GRM8: variants seen among roughly 807,000 people sequenced by gnomAD.
The protein encoded by GRM8 is metabotropic glutamate receptor 8.
Under a neutral mutation model 87.2 loss-of-function variants are expected in GRM8, and 47 were observed. The ratio of observed to expected loss-of-function variants is 0.54; its 90% CI spans 0.43 to 0.69. The LOEUF is 0.69. GRM8 is among the 30% of genes least tolerant of loss of function. The probability of loss-of-function intolerance (pLI) is 0.00; values close to 1 mark genes in which losing one functional copy is unlikely to be tolerated. For synonymous variants in GRM8, 396 were observed against 404.5 expected, an observed-to-expected ratio of 0.98 and a Z score of 0.25; for missense variants, 1,019 against 1,139.2, an observed-to-expected ratio of 0.89 and a Z score of 1.52.
At chr7:126,944,847 T>C (rs565016300) in intron 3 of GRM8, among the ~76,000 whole-genome samples, 48 of 152,286 alleles carry the variant, frequency 3.2e-4, no homozygotes, top group African/African-American at 1.1e-3. Flanking sequence ...ACTAGCAAAA[T>C]GATTCTAAAA....
At chr7:127,106,983 GTGCTTTTTGTTGATGT>G (rs1261496633) in intron 2 of GRM8, among the ~76,000 whole-genome samples, 24 of 152,284 alleles carry the variant, frequency 1.6e-4, no homozygotes, top group African/African-American at 4.6e-4. Context: ...CAAAACATTT[GTGCTTTTTGTTGATGT>G]TGCTTTTTGT....
At chr7:126,803,477 T>C (rs1441370547) in intron 6 of GRM8, among the ~76,000 whole-genome samples, 1 of 152,200 alleles carries the variant, frequency 6.6e-6, no homozygotes, top group African/African-American at 2.4e-5. Flanking sequence ...TCTTTTCAAA[T>C]ATAAATCAAA....
chr7:127,233,315 C>T (rs905749267), intron 2 of GRM8, among the ~76,000 whole-genome samples: 14 of 151,956 alleles, frequency 9.2e-5, no homozygotes, highest in East Asian at 3.9e-4. Context: ...TAGATAAATA[C>T]GTTAAAATAA....
rs541971923 is a variant in GRM8 at position 126,975,219 on chromosome 7, G to C, written c.728-70536C>G. On this transcript the variant is annotated intron_variant, in intron 3 of 10. Coordinates refer to ENST00000339582, the MANE Select transcript of GRM8 (RefSeq NM_000845.3). ...GCACTTACCCACATGAACTGGTCAT[G>C]TTCATGACCAGAACACATCAGTCAA... is the stretch of plus-strand genomic sequence containing the variant. 2.0e-5 allele frequency among the ~76,000 whole-genome samples: 3 copies of C among 152,258 alleles called. No homozygotes were observed. The South Asian group carries it at 6.2e-4, about 32-fold the overall frequency.
At position 126,912,863 on chromosome 7, in the gene GRM8, T is replaced by C. The variant is rs149226828; in HGVS notation, c.728-8180A>G. Reference sequence around the variant, plus strand: ...CAAATAATTAATAGAATGTTATTATTTAATGTTAAAACTTCCTTTCAAAGA... The same window carrying C: ...CAAATAATTAATAGAATGTTATTATCTAATGTTAAAACTTCCTTTCAAAGA... On this transcript the variant is annotated intron_variant, in intron 3 of 10. Coordinates refer to ENST00000339582, the MANE Select transcript of GRM8 (RefSeq NM_000845.3). Among the ~76,000 whole-genome samples, 1,457 of 152,330 alleles carry C rather than the reference T, an allele frequency of 9.6e-3. 17 individuals are homozygous for C. Among genetic ancestry groups the C allele is most frequent in the Non-Finnish European group, 0.015 (987 of 68,022 alleles).
chr7:126,608,824 C>T (rs1197750175), intron 8 of GRM8, among the ~76,000 whole-genome samples: 7 of 146,538 alleles, frequency 4.8e-5, no homozygotes, highest in Non-Finnish European at 1.0e-4. Context: ...AGTGCAGTGG[C>T]GCGACCTCGG....
chr7:126,853,651 C>G (rs1408812857), intron 6 of GRM8, among the ~76,000 whole-genome samples: 1 of 151,852 alleles, frequency 6.6e-6, no homozygotes, highest in Non-Finnish European at 1.5e-5. Flanking sequence ...GTAGCTTAAG[C>G]AAAAAAGGGA....
chr7:127,050,423 T>C (rs1819352215), intron 3 of GRM8, among the ~76,000 whole-genome samples: 1 of 151,966 alleles, frequency 6.6e-6, no homozygotes, highest in African/African-American at 2.4e-5. Flanking sequence ...GAGGTAGGAG[T>C]GAAGGTCCAT....
intron 8 of GRM8, among the ~76,000 whole-genome samples, chr7:126,551,745 C>T (rs1458060422): frequency 6.6e-6 from 1 of 151,964 alleles, no homozygotes; most frequent in Non-Finnish European, 1.5e-5. Flanking sequence ...TATCATAATG[C>T]CATTCCTTGA....
intron 8 of GRM8, among the ~76,000 whole-genome samples, chr7:126,597,587 G>A (rs768344203): frequency 1.3e-5 from 2 of 151,556 alleles, no homozygotes; most frequent in South Asian, 2.1e-4. Flanking sequence ...TCCTCCCAAG[G>A]TTAAAATAAG....
chr7:126,845,208 T>C (rs1035299265), intron 6 of GRM8, among the ~76,000 whole-genome samples: 2 of 152,248 alleles, frequency 1.3e-5, no homozygotes. Context: ...GGCTGCCTTA[T>C]ATCTGGTGAC....
At chr7:126,891,366 C>T (rs1363445841) in intron 6 of GRM8, among the ~76,000 whole-genome samples, 4 of 151,950 alleles carry the variant, frequency 2.6e-5, no homozygotes, top group African/African-American at 7.2e-5. Flanking sequence ...CTCACCAATA[C>T]ATTATCCATA....
chr7:127,252,249 C>T lies in GRM8; in HGVS notation c.-312+548G>A, dbSNP rs902467910. 6.6e-6 allele frequency: 1 copy of T among 152,292 alleles called. No homozygotes were observed. Among genetic ancestry groups the T allele is most frequent in the Non-Finnish European group, 1.5e-5 (1 of 68,128 alleles). The allele number at this position is 152,292 out of a possible 1,614,324, so 9.4% of individuals were successfully genotyped here. A position where few individuals can be genotyped will look rare whatever the true frequency, so the allele number is the denominator to read the frequency against. On this transcript the variant is annotated intron_variant, in intron 1 of 10. Transcript: ENST00000339582. The surrounding 1 kb of genome is among the most constrained non-coding windows in gnomAD (Gnocchi z 4.9). Reference sequence around the variant, plus strand: ...GCCGCCGCACGCCCAGTCAGAGCGCCGAGCGCGCCTGCCCCCTTCCCGTCA... The same window carrying T: ...GCCGCCGCACGCCCAGTCAGAGCGCTGAGCGCGCCTGCCCCCTTCCCGTCA...
Position 126,751,490 on chromosome 7 carries a change from T to C in GRM8, c.1357+18375A>G, listed in dbSNP as rs538347479. On this transcript the variant is annotated intron_variant, in intron 7 of 10. Coordinates refer to ENST00000339582, the MANE Select transcript of GRM8 (RefSeq NM_000845.3). ...CCTTGTCTTAAAGTTAATTTGGGGC[T>C]CTTCAGAGGACTTGCATTAATTGGA... 3.2e-4 allele frequency among the ~76,000 whole-genome samples: 49 copies of C among 152,274 alleles called. 2 individuals carry two copies. In the South Asian group the frequency reaches 0.01, roughly 32 times the overall value.
chr7:126,625,526 C>CAAT (rs61228967), intron 7 of GRM8, among the ~76,000 whole-genome samples: 48,492 of 151,626 alleles, frequency 0.32, 8,335 homozygotes, highest in East Asian at 0.43. Context: ...ACTGAGATAA[C>CAAT]AGTAATTTCT....
intron 3 of GRM8, among the ~76,000 whole-genome samples, chr7:127,024,217 A>C (rs1262481189): frequency 6.6e-6 from 1 of 152,114 alleles, no homozygotes; most frequent in African/African-American, 2.4e-5. Flanking sequence ...GCATATTCTT[A>C]TAAGGATTAA....
At chr7:126,796,413 T>C (rs1352553677) in intron 6 of GRM8, among the ~76,000 whole-genome samples, 1 of 152,128 alleles carries the variant, frequency 6.6e-6, no homozygotes, top group Non-Finnish European at 1.5e-5. Flanking sequence ...AATCCACTTC[T>C]TTAAAATGTG....
intron 2 of GRM8, among the ~76,000 whole-genome samples, chr7:127,120,798 C>T (rs1041930892): frequency 1.3e-5 from 2 of 152,174 alleles, no homozygotes; most frequent in Non-Finnish European, 2.9e-5. Context: ...GGATGAACAT[C>T]TCCTGATCAT....
chr7:126,505,021 C>T (rs904097902), intron 9 of GRM8, among the ~76,000 whole-genome samples: 1 of 151,998 alleles, frequency 6.6e-6, no homozygotes, highest in African/African-American at 2.4e-5. Context: ...GCTTCAATTG[C>T]ACAGTTGGAG....
Sources: allele counts gnomAD v4.1 joint callset (sites outside exome capture counted in the v4.1 genomes callset), GRCh38; gene constraint gnomAD v4.1.1; non-coding constraint Gnocchi (gnomAD v3.1); transcripts MANE v1.5; gene names NCBI Gene and HGNC (gene_info 2026-07-23, HGNC 2026-07-21).